Variants in COTL1 observed in about 807,000 individuals in gnomAD.
COTL1 encodes coactosin like F-actin binding protein 1, also known as coactosin-like protein.
Under a neutral mutation model 16.5 loss-of-function variants are expected in COTL1, and 15 were observed. The observed-to-expected ratio is 0.91, with a 90% CI of 0.61 to 1.40. The LOEUF (loss-of-function observed/expected upper bound fraction) is 1.40. Among genes scored for constraint, COTL1 ranks in the 40% most tolerant of loss-of-function variants. The probability of loss-of-function intolerance (pLI) is 0.00; values close to 1 mark genes in which losing one functional copy is unlikely to be tolerated. For missense variants in COTL1, 220 were observed against 201.5 expected (o/e 1.09, Z -0.56); for synonymous variants, 112 against 85.3 (o/e 1.31, Z -1.73).
intron 3 of COTL1, among the ~76,000 whole-genome samples, chr16:84,580,830 T>C (rs1904571568): frequency 6.6e-6 from 1 of 152,214 alleles, no homozygotes; most frequent in Non-Finnish European, 1.5e-5. Context: ...TTTTCAATTG[T>C]GCAATTTGTG....
intron 2 of COTL1, among the ~76,000 whole-genome samples, chr16:84,598,891 C>G (rs1905059972): frequency 6.7e-6 from 1 of 148,234 alleles, no homozygotes; most frequent in African/African-American, 2.5e-5. Context: ...GCTGGGCAGT[C>G]AAAGGGATGG....
At chr16:84,595,989 C>A (rs73255574) in intron 2 of COTL1, 1 of 151,976 alleles carries the variant, frequency 6.6e-6, no homozygotes, top group African/African-American at 2.4e-5. Flanking sequence ...TGTGTGTATG[C>A]ACTAAGACGG....
intron 2 of COTL1, among the ~76,000 whole-genome samples, chr16:84,610,000 C>A (rs1905287976): frequency 6.6e-6 from 1 of 152,208 alleles, no homozygotes; most frequent in South Asian, 2.1e-4. Context: ...GTCCCATTTA[C>A]CACATAGGGT....
intron 2 of COTL1, among the ~76,000 whole-genome samples, chr16:84,604,976 G>A (rs937715624): frequency 2.6e-5 from 4 of 152,256 alleles, no homozygotes; most frequent in Non-Finnish European, 5.9e-5. Context: ...TAGGGAAATC[G>A]GGATTTCCTG....
At chr16:84,601,326 A>AC (rs1769119293) in intron 2 of COTL1, among the ~76,000 whole-genome samples, 1 of 152,258 alleles carries the variant, frequency 6.6e-6, no homozygotes, top group African/African-American at 2.4e-5. Flanking sequence ...TGTGAATACC[A>AC]TGAAATTACT....
intron 2 of COTL1, among the ~76,000 whole-genome samples, chr16:84,609,552 C>CTCTG (rs1214123070): frequency 6.6e-6 from 1 of 152,216 alleles, no homozygotes; most frequent in Non-Finnish European, 1.5e-5. Context: ...TCACTTTCTC[C>CTCTG]TCTGGTAGCC....
chr16:84,606,917 G>A (rs1905221952), intron 2 of COTL1, among the ~76,000 whole-genome samples: 2 of 152,194 alleles, frequency 1.3e-5, no homozygotes, highest in South Asian at 4.1e-4. Flanking sequence ...CAGGCATTAC[G>A]GGTTCTCTTC....
intron 3 of COTL1, among the ~76,000 whole-genome samples, chr16:84,584,333 A>G (rs543668844): frequency 6.6e-6 from 1 of 152,316 alleles, no homozygotes; most frequent in South Asian, 2.1e-4. Flanking sequence ...GACGCCTCTC[A>G]GTTTCTCAGG....
At chr16:84,599,238 TCTC>T (rs1430502123) in intron 2 of COTL1, among the ~76,000 whole-genome samples, 2 of 152,090 alleles carry the variant, frequency 1.3e-5, no homozygotes, top group African/African-American at 4.8e-5. Context: ...GAGATTCTAG[TCTC>T]CTCTGCGTAT....
intron 2 of COTL1, among the ~76,000 whole-genome samples, chr16:84,599,235 T>G (rs1014090188): frequency 3.9e-5 from 6 of 152,212 alleles, no homozygotes; most frequent in African/African-American, 1.4e-4. Context: ...AAAGAGATTC[T>G]AGTCTCCTCT....
chr16:84,617,186 T>C (rs200950931), intron 2 of COTL1, among the ~76,000 whole-genome samples: 4 of 32,818 alleles, frequency 1.2e-4, no homozygotes, highest in African/African-American at 1.1e-3. Flanking sequence ...AAGAGCTGGA[T>C]GGACACTGGA....
intron 2 of COTL1, among the ~76,000 whole-genome samples, chr16:84,611,027 T>A (rs1905311654): frequency 6.6e-6 from 1 of 152,244 alleles, no homozygotes; most frequent in African/African-American, 2.4e-5. Flanking sequence ...CAGGCAGTAC[T>A]CTACAAGCAT....
chr16:84,608,400 C>A (rs1905255234), intron 2 of COTL1, among the ~76,000 whole-genome samples: 1 of 152,074 alleles, frequency 6.6e-6, no homozygotes, highest in Admixed American at 6.6e-5. Flanking sequence ...GGTGACACAG[C>A]CACAAACAGA....
chr16:84,595,857 G>GTA (rs1431072866), intron 2 of COTL1: 1 of 151,700 alleles, frequency 6.6e-6, no homozygotes, highest in Non-Finnish European at 1.5e-5. Flanking sequence ...ATATATGTGT[G>GTA]TATATATATT....
intron 2 of COTL1, among the ~76,000 whole-genome samples, chr16:84,597,000 G>C (rs1299845814): frequency 2.0e-5 from 3 of 152,156 alleles, no homozygotes; most frequent in African/African-American, 7.2e-5. Context: ...ATCCCAGCCA[G>C]GGCCGCATCC....
chr16:84,617,691 C>G, intron 1 of COTL1, 108 bp from the exon 2 acceptor site: 2 of 1,390,002 alleles, frequency 1.4e-6, no homozygotes, highest in Non-Finnish European at 2.0e-6. Flanking sequence ...ACGGAGAAGC[C>G]CGCGGGGGCC....
chr16:84,614,951 T>C (rs1905433283), intron 2 of COTL1, among the ~76,000 whole-genome samples: 2 of 152,180 alleles, frequency 1.3e-5, no homozygotes, highest in Non-Finnish European at 2.9e-5. Flanking sequence ...GCAGGAAGCC[T>C]ATTAACCTCT....
chr16:84,594,605 A>T (rs1020229662), intron 2 of COTL1: 1 of 152,234 alleles, frequency 6.6e-6, no homozygotes, highest in African/African-American at 2.4e-5. Flanking sequence ...CTCCGACTGC[A>T]TTTCACAAGC....
rs771472148 is a variant in COTL1 at position 84,617,593 on chromosome 16, G to T, written c.78-10C>A. ...ATATTTAAAAGTCACCCTTTGGGTT[G>T]GGAGAAGAAAAAAACACACACACAC... On this transcript the variant is annotated splice_polypyrimidine_tract_variant and intron_variant, in intron 1 of 3. Coordinates refer to ENST00000262428, the MANE Select transcript of COTL1 (RefSeq NM_021149.5). 1 of 1,552,954 alleles carries T rather than the reference G, an allele frequency of 6.4e-7. No homozygotes were observed. Among genetic ancestry groups the T allele is most frequent in the East Asian group, 2.4e-5 (1 of 41,150 alleles).
Sources: gnomAD v4.1 joint callset for allele counts (sites outside exome capture counted in the v4.1 genomes callset) on GRCh38, gnomAD v4.1.1 for gene constraint, MANE v1.5 for transcripts, NCBI Gene and HGNC (gene_info 2026-07-23, HGNC 2026-07-21) for gene names.